The following PRUNE2 variants were observed in gnomAD, a reference collection of about 807,000 sequenced individuals.
PRUNE2 encodes the protein prune homolog 2 with BCH domain, also known as protein prune homolog 2.
In PRUNE2, 164 loss-of-function variants were observed where a neutral mutation model predicts 252.0. That is an observed-to-expected ratio of 0.65 (90% confidence interval 0.57 to 0.74). The LOEUF (loss-of-function observed/expected upper bound fraction) is 0.74. Ranked by LOEUF, PRUNE2 falls within the 30% of genes least tolerant of loss-of-function variation. The pLI, the probability that PRUNE2 is intolerant of heterozygous loss-of-function variation, is 0.00. For synonymous variants in PRUNE2, 1,292 were observed against 1,350.2 expected (o/e 0.96, Z 0.94); for missense variants, 3,495 against 3,711.0 (o/e 0.94, Z 1.51).
At chr9:76,692,550 A>G (rs775723220) in intron 9 of PRUNE2, 1 of 168,550 alleles carries the variant, frequency 5.9e-6, no homozygotes, top group African/African-American at 2.4e-5. Flanking sequence ...GGTTAAGATC[A>G]TAATAAAATG....
At chr9:76,788,512 G>C (rs1016507100) in intron 6 of PRUNE2, 3 of 718,688 alleles carry the variant, frequency 4.2e-6, no homozygotes, top group African/African-American at 3.5e-5. Context: ...TGTGCCCTTG[G>C]GGAAAAGCTC....
At chr9:76,902,805 G>A (rs2063259646) in intron 1 of PRUNE2, among the ~76,000 whole-genome samples, 1 of 152,166 alleles carries the variant, frequency 6.6e-6, no homozygotes, top group Non-Finnish European at 1.5e-5. Flanking sequence ...CAGGAGGAGG[G>A]ATGCCTCTGA....
At chr9:76,641,844 A>G (rs969205277) in intron 12 of PRUNE2, 32 of 1,170,204 alleles carry the variant, frequency 2.7e-5, no homozygotes, top group Non-Finnish European at 3.7e-5. Context: ...CTGGCCAGCA[A>G]TGGAATGGAG....
chr9:76,866,669 A>T (rs143761432), intron 1 of PRUNE2, among the ~76,000 whole-genome samples: 1 of 152,008 alleles, frequency 6.6e-6, no homozygotes, highest in Admixed American at 6.6e-5. Flanking sequence ...TTGAAAACTT[A>T]AGTACAAAAA....
intron 6 of PRUNE2, chr9:76,738,112 T>C (rs1198248606): frequency 6.6e-6 from 1 of 152,200 alleles, no homozygotes; most frequent in Non-Finnish European, 1.5e-5. Context: ...TAACATTAGA[T>C]GACCAATCAC....
At chr9:76,692,107 G>C (rs1359541445) in intron 9 of PRUNE2, 1 of 717,344 alleles carries the variant, frequency 1.4e-6, no homozygotes, top group Admixed American at 2.0e-5. Flanking sequence ...TCTAACGGAG[G>C]GTGAGAAGGA....
chr9:76,886,353 G>A (rs115309922), intron 1 of PRUNE2, among the ~76,000 whole-genome samples: 1 of 152,066 alleles, frequency 6.6e-6, no homozygotes, highest in Non-Finnish European at 1.5e-5. Context: ...CTAATTCCAC[G>A]ACCCTTGTTC....
intron 10 of PRUNE2, among the ~76,000 whole-genome samples, chr9:76,653,566 G>C (rs1033707091): frequency 2.6e-5 from 4 of 152,098 alleles, no homozygotes; most frequent in African/African-American, 9.7e-5. Context: ...CACGGATTTG[G>C]AACCATGGAT....
rs187238332 is a variant in PRUNE2, at chr9:76,709,781, C to T, written c.2493G>A (p.Pro831=). The change falls in exon 8 of 19, where the codon CCG becomes CCA. Residue 831 remains proline, a synonymous_variant. Transcript: ENST00000376718. ...CACTTTTTGCCATGGCCCACTCATT[C>T]GGGTCCCTAACAGAAGGTGTCTTGC... ...TSSKTPSVRD[P]NEWAMAKSGF... is the part of the protein sequence containing the mutation. The T allele has an allele frequency of 8.1e-5, 130 of 1,613,924 alleles. No individual in the cohort carries two copies. In the African/African-American group the frequency reaches 1.1e-3, roughly 14 times the overall value.
chr9:76,749,624 T>C lies in PRUNE2; in HGVS notation c.757-35903A>G, dbSNP rs570528024. Among the ~76,000 whole-genome samples, 14 of 152,360 alleles carry C rather than the reference T, an allele frequency of 9.2e-5. No individual in the cohort carries two copies. In the East Asian group the frequency reaches 2.5e-3, roughly 27 times the overall value. ...TCCCAGCTGTCCTTGCTTGGCACCC[T>C]GCAAATAAATGCCCTCCTTTCTCTT... On this transcript the variant is annotated intron_variant, in intron 6 of 18. Transcript: ENST00000376718.
At chr9:76,841,026 A>G (rs4745587) in intron 4 of PRUNE2, among the ~76,000 whole-genome samples, 59,767 of 151,782 alleles carry the variant, frequency 0.39, 14,731 homozygotes, top group African/African-American at 0.71. Context: ...CAAGATGATC[A>G]AATAGGAACA....
chr9:76,837,419 C>A (rs952037436), intron 4 of PRUNE2, among the ~76,000 whole-genome samples: 2 of 145,662 alleles, frequency 1.4e-5, no homozygotes, highest in African/African-American at 5.1e-5. Context: ...TCCGGCCTGG[C>A]GACACAGTGA....
At chr9:76,774,450 C>CTTTTTTTATTTATTTATTTATTTATTT (rs1564272256) in intron 6 of PRUNE2, among the ~76,000 whole-genome samples, 1 of 41,402 alleles carries the variant, frequency 2.4e-5, no homozygotes, top group Non-Finnish European at 3.9e-5. Flanking sequence ...CAGTTCAACC[C>CTTTTTTTATTTATTTATTTATTTATTT]TTTTTTTTTT....
chr9:76,731,306 CTATCTATA>C (rs1325366577), intron 6 of PRUNE2, among the ~76,000 whole-genome samples: 1 of 37,018 alleles, frequency 2.7e-5, no homozygotes, highest in African/African-American at 9.6e-5. Context: ...ATCTATCTAT[CTATCTATA>C]TATATATATA....
At chr9:76,627,442 T>G (rs1292027443) in intron 16 of PRUNE2, among the ~76,000 whole-genome samples, 1 of 151,832 alleles carries the variant, frequency 6.6e-6, no homozygotes, top group Non-Finnish European at 1.5e-5. Context: ...AGAGTAGAAG[T>G]GGGATTTGAA....
intron 2 of PRUNE2, among the ~76,000 whole-genome samples, chr9:76,853,887 GGA>G (rs952383998): frequency 9.9e-5 from 15 of 152,280 alleles, no homozygotes; most frequent in African/African-American, 3.1e-4. Flanking sequence ...TGTTTTATAA[GGA>G]GAGTTGGTAA....
At chr9:76,797,464 T>G (rs2056197489) in intron 6 of PRUNE2, among the ~76,000 whole-genome samples, 1 of 152,148 alleles carries the variant, frequency 6.6e-6, no homozygotes, top group African/African-American at 2.4e-5. Flanking sequence ...ATATGCTTAT[T>G]TATTGTTATT....
At chr9:76,867,862 C>A (rs1010121561) in intron 1 of PRUNE2, among the ~76,000 whole-genome samples, 1 of 152,126 alleles carries the variant, frequency 6.6e-6, no homozygotes. Context: ...TGAGCCACTG[C>A]GCCCGGCCGG....
chr9:76,676,271 T>TG (rs1211577661), intron 9 of PRUNE2, among the ~76,000 whole-genome samples: 1 of 19,906 alleles, frequency 5.0e-5, no homozygotes, highest in East Asian at 1.7e-3. Flanking sequence ...TCCACTCAAA[T>TG]TTTTTTTTTT....
Sources: allele counts gnomAD v4.1 joint callset (sites outside exome capture counted in the v4.1 genomes callset), GRCh38; gene constraint gnomAD v4.1.1; transcripts MANE v1.5; gene names NCBI Gene and HGNC (gene_info 2026-07-23, HGNC 2026-07-21).